Variants in CSGALNACT1 observed in about 807,000 individuals in gnomAD.
The protein encoded by CSGALNACT1 is chondroitin sulfate N-acetylgalactosaminyltransferase 1, also known as beta4GalNAcT-1.
CSGALNACT1 carries 52 observed loss-of-function variants against 51.0 expected under a neutral mutation model. That is an observed-to-expected ratio of 1.02 (90% confidence interval 0.82 to 1.29). The LOEUF (loss-of-function observed/expected upper bound fraction) is 1.29, where lower values mean the gene tolerates loss of function less well. CSGALNACT1 is among the 50% of genes most tolerant of loss of function. The pLI is 0.00. For missense variants in CSGALNACT1, 935 were observed against 679.2 expected (o/e 1.38, Z -4.19); for synonymous variants, 341 against 254.4 (o/e 1.34, Z -3.24).
chr8:19,642,147 C>G (rs942619699), intron 1 of CSGALNACT1: 8 of 152,150 alleles, frequency 5.3e-5, no homozygotes, highest in African/African-American at 1.9e-4. Context: ...TAGCTTTACA[C>G]AATTCCAAGA....
chr8:19,647,156 G>A (rs926924425), intron 1 of CSGALNACT1, among the ~76,000 whole-genome samples: 2 of 152,154 alleles, frequency 1.3e-5, no homozygotes, highest in Admixed American at 6.5e-5. Context: ...GGCTGGGAGA[G>A]GTTAGCTGAC....
At chr8:19,487,445 G>A (rs1027508600) in intron 4 of CSGALNACT1, among the ~76,000 whole-genome samples, 7 of 152,194 alleles carry the variant, frequency 4.6e-5, no homozygotes, top group Non-Finnish European at 7.3e-5. Context: ...ATGTCAACAC[G>A]ATGGTGGAGC....
At chr8:19,698,160 T>G (rs536282667) in intron 1 of CSGALNACT1, among the ~76,000 whole-genome samples, 1 of 152,296 alleles carries the variant, frequency 6.6e-6, no homozygotes, top group South Asian at 2.1e-4. Context: ...CCCCTTGATA[T>G]GCTCTTCATA....
intron 1 of CSGALNACT1, among the ~76,000 whole-genome samples, chr8:19,662,963 C>A (rs2058886176): frequency 6.6e-6 from 1 of 152,112 alleles, no homozygotes; most frequent in Non-Finnish European, 1.5e-5. Flanking sequence ...CAGTGTCAGG[C>A]ACATCTGTAA....
chr8:19,485,326 C>G (rs1442032752), intron 4 of CSGALNACT1, among the ~76,000 whole-genome samples: 1 of 152,116 alleles, frequency 6.6e-6, no homozygotes, highest in African/African-American at 2.4e-5. Context: ...CCATGCTGCT[C>G]CTACCTTCAA....
chr8:19,474,878 A>AAAG (rs2069111387), intron 4 of CSGALNACT1, among the ~76,000 whole-genome samples: 1 of 150,702 alleles, frequency 6.6e-6, no homozygotes, highest in Non-Finnish European at 1.5e-5. Context: ...AGAAAAAAAA[A>AAAG]AAAAAAAAGA....
chr8:19,728,794 G>C (rs1005731240), intron 1 of CSGALNACT1, among the ~76,000 whole-genome samples: 1 of 152,092 alleles, frequency 6.6e-6, no homozygotes, highest in African/African-American at 2.4e-5. Flanking sequence ...AGGTGTGTAT[G>C]ACTGCACTGT....
chr8:19,561,441 T>C (rs2040694173), intron 3 of CSGALNACT1, among the ~76,000 whole-genome samples: 1 of 152,158 alleles, frequency 6.6e-6, no homozygotes, highest in Non-Finnish European at 1.5e-5. Context: ...AAAATAATGG[T>C]GGAGGTTGTT....
chr8:19,435,962 T>C (rs947271899), intron 6 of CSGALNACT1, among the ~76,000 whole-genome samples: 1 of 152,162 alleles, frequency 6.6e-6, no homozygotes, highest in African/African-American at 2.4e-5. Context: ...CACTCTGATA[T>C]TTTCTATCCT....
intron 5 of CSGALNACT1, among the ~76,000 whole-genome samples, chr8:19,443,425 G>C (rs1303900560): frequency 1.3e-5 from 2 of 152,108 alleles, no homozygotes; most frequent in African/African-American, 4.8e-5. Flanking sequence ...TGCTAATAAA[G>C]ACATACCCAA....
At chr8:19,569,748 G>A (rs900803332) in intron 3 of CSGALNACT1, among the ~76,000 whole-genome samples, 3 of 152,120 alleles carry the variant, frequency 2.0e-5, no homozygotes, top group African/African-American at 7.2e-5. Context: ...ATGTCCACCA[G>A]AAAGCACGAA....
chr8:19,405,333 C>A (rs1321788743), exon 10 of CSGALNACT1: 1 of 454,822 alleles, frequency 2.2e-6, no homozygotes, highest in Non-Finnish European at 4.4e-6. Context: ...TCCTCTCCTG[C>A]CTTCTGATAT....
intron 3 of CSGALNACT1, among the ~76,000 whole-genome samples, chr8:19,514,187 G>C (rs2079030368): frequency 6.6e-6 from 1 of 152,062 alleles, no homozygotes; most frequent in Non-Finnish European, 1.5e-5. Context: ...CGAGAGGACA[G>C]GGGTCCCACT....
At chr8:19,627,392 C>A (rs28853697) in intron 1 of CSGALNACT1, among the ~76,000 whole-genome samples, 1 of 151,846 alleles carries the variant, frequency 6.6e-6, no homozygotes, top group Non-Finnish European at 1.5e-5. Context: ...GAAAAGAGGG[C>A]GTAACTATAA....
chr8:19,475,680 C>T (rs1586811446), intron 4 of CSGALNACT1, among the ~76,000 whole-genome samples: 1 of 152,288 alleles, frequency 6.6e-6, no homozygotes, highest in Non-Finnish European at 1.5e-5. Flanking sequence ...AACTTAAATA[C>T]TGAAGATGAG....
chr8:19,741,955 C>T (rs1373206836), intron 1 of CSGALNACT1, among the ~76,000 whole-genome samples: 1 of 152,184 alleles, frequency 6.6e-6, no homozygotes, highest in African/African-American at 2.4e-5. Flanking sequence ...ATTCAAATCC[C>T]TGCTCAACCC....
intron 1 of CSGALNACT1, among the ~76,000 whole-genome samples, chr8:19,740,143 G>T (rs2064220736): frequency 6.6e-6 from 1 of 152,236 alleles, no homozygotes; most frequent in East Asian, 1.9e-4. Flanking sequence ...TGTGCCTCCT[G>T]GGCAGAGGCC....
At chr8:19,616,172 A>T (rs77583409) in intron 1 of CSGALNACT1, among the ~76,000 whole-genome samples, 3,446 of 152,346 alleles carry the variant, frequency 0.023, 135 homozygotes, top group African/African-American at 0.078. Context: ...AATTTATCTT[A>T]AATATTCATA....
At chr8:19,642,894 C>G (rs573939601) in intron 1 of CSGALNACT1, among the ~76,000 whole-genome samples, 3 of 151,706 alleles carry the variant, frequency 2.0e-5, no homozygotes, top group African/African-American at 7.3e-5. Flanking sequence ...AAAATCAAGT[C>G]AGATTTTTCT....
Sources: gnomAD v4.1 joint callset for allele counts (sites outside exome capture counted in the v4.1 genomes callset) on GRCh38, gnomAD v4.1.1 for gene constraint, MANE v1.5 for transcripts, NCBI Gene and HGNC (gene_info 2026-07-23, HGNC 2026-07-21) for gene names.